The following CDK19 variants were observed in gnomAD, a reference collection of about 807,000 sequenced individuals.
The protein encoded by CDK19 is cyclin dependent kinase 19, also known as cyclin-dependent kinase 19.
CDK19 carries 20 observed loss-of-function variants against 68.3 expected under a neutral mutation model. That is an observed-to-expected ratio of 0.29 (90% confidence interval 0.21 to 0.43). The LOEUF (loss-of-function observed/expected upper bound fraction) is 0.43. CDK19 is among the 20% of genes least tolerant of loss of function. The pLI, the probability that CDK19 is intolerant of heterozygous loss-of-function variation, is 1.00. For synonymous variants in CDK19, 221 were observed against 222.8 expected, an observed-to-expected ratio of 0.99 and a Z score of 0.07; for missense variants, 339 against 623.5, an observed-to-expected ratio of 0.54 and a Z score of 4.86.
chr6:110,637,001 C>T (rs1048361077), intron 5 of CDK19, among the ~76,000 whole-genome samples: 2 of 152,202 alleles, frequency 1.3e-5, no homozygotes, highest in Non-Finnish European at 2.9e-5. Context: ...TCACACCAGA[C>T]AGCTCTGATA....
At chr6:110,707,150 C>T (rs1002842943) in intron 2 of CDK19, among the ~76,000 whole-genome samples, 27 of 151,470 alleles carry the variant, frequency 1.8e-4, no homozygotes, top group African/African-American at 6.1e-4. Flanking sequence ...TTAGTAGAGA[C>T]GATGGTGAAA....
Position 110,754,453 on chromosome 6 carries a change from T to C in CDK19, c.129-8252A>G, listed in dbSNP as rs183418824. The stretch of plus-strand genomic sequence containing the variant: ...CTTAAAACATTAATGATTAATAGAC[T>C]GCAATCATTAGTAAATATTTAGTTA... On this transcript the variant is annotated intron_variant, in intron 1 of 12. Transcript: ENST00000368911. Among the ~76,000 whole-genome samples, 227 of 152,122 alleles carry C rather than the reference T, an allele frequency of 1.5e-3. 1 individual carries two copies. The highest frequency in any genetic ancestry group is 5.3e-3 in the African/African-American group (220 of 41,524).
chr6:110,663,059 CACTG>C (rs1375985330), intron 4 of CDK19, among the ~76,000 whole-genome samples: 9 of 152,250 alleles, frequency 5.9e-5, no homozygotes, highest in East Asian at 3.9e-4. Context: ...ATGTCCAAAA[CACTG>C]ACTTTTATTT....
intron 1 of CDK19, among the ~76,000 whole-genome samples, chr6:110,759,010 C>T (rs1349424746): frequency 1.3e-5 from 2 of 151,996 alleles, no homozygotes; most frequent in African/African-American, 4.8e-5. Context: ...GCCTGTAATC[C>T]TAGCACTTAG....
Position 110,653,388 on chromosome 6 carries a change from G to A in CDK19, c.456+14046C>T, listed in dbSNP as rs1357335658. Among the ~76,000 whole-genome samples the A allele has an allele frequency of 3.9e-5, 6 of 152,116 alleles. No individual in the cohort carries two copies. The East Asian group carries it at 1.2e-3, about 29-fold the overall frequency. ...TAAAAAAAAGAAAACTACAGTTCAT[G>A]CATACACACCTTCACCCACATAAAA... On this transcript the variant is annotated intron_variant, in intron 4 of 12. Transcript: ENST00000368911.
chr6:110,760,998 C>T (rs1779191445), intron 1 of CDK19, among the ~76,000 whole-genome samples: 1 of 152,120 alleles, frequency 6.6e-6, no homozygotes, highest in Non-Finnish European at 1.5e-5. Flanking sequence ...ATCTGAAGTT[C>T]AGTAAGGCTG....
intron 1 of CDK19, among the ~76,000 whole-genome samples, chr6:110,749,040 A>G (rs1299916975): frequency 2.0e-5 from 3 of 152,234 alleles, no homozygotes; most frequent in Non-Finnish European, 4.4e-5. Flanking sequence ...AGCAATTCCA[A>G]AGCCTTCAGA....
At chr6:110,750,536 G>A (rs1227886796) in intron 1 of CDK19, among the ~76,000 whole-genome samples, 1 of 152,174 alleles carries the variant, frequency 6.6e-6, no homozygotes. Flanking sequence ...ATGCAAGGAT[G>A]ATGCCACTAA....
At chr6:110,711,184 T>C (rs964509807) in intron 2 of CDK19, among the ~76,000 whole-genome samples, 13 of 152,186 alleles carry the variant, frequency 8.5e-5, no homozygotes, top group Non-Finnish European at 1.6e-4. Context: ...TAGGAATATA[T>C]TGTGATATAA....
intron 1 of CDK19, among the ~76,000 whole-genome samples, chr6:110,810,711 T>C (rs1583155582): frequency 6.6e-6 from 1 of 150,992 alleles, no homozygotes; most frequent in African/African-American, 2.4e-5. Context: ...GAGGCGGAGG[T>C]TGCAGTGAGC....
intron 1 of CDK19, among the ~76,000 whole-genome samples, chr6:110,761,528 T>C (rs915821383): frequency 2.6e-5 from 4 of 152,080 alleles, no homozygotes; most frequent in African/African-American, 7.2e-5. Context: ...GAAGAGCAGA[T>C]TGGGCAAGTT....
chr6:110,708,391 T>C (rs1430586866), intron 2 of CDK19, among the ~76,000 whole-genome samples: 1 of 152,132 alleles, frequency 6.6e-6, no homozygotes, highest in Admixed American at 6.5e-5. Context: ...CTGCAGCACA[T>C]AGGATGTGCA....
chr6:110,814,795 G>T lies in CDK19; in HGVS notation c.128+214C>A, dbSNP rs770464779. 7.0e-5 allele frequency: 48 copies of T among 687,590 alleles called. No homozygotes were observed. In the South Asian group the frequency reaches 7.0e-4, roughly 10 times the overall value. The allele number at this position is 687,590 out of a possible 1,614,324, so 42.6% of individuals were successfully genotyped here. A position where few individuals can be genotyped will look rare whatever the true frequency, so the allele number is the denominator to read the frequency against. ...GGACGGGACCGACGCCTCGGACCGG[G>T]CTGCGCCGCGGGAGTTCGAGGTACG... On this transcript the variant is annotated intron_variant, in intron 1 of 12. Transcript: ENST00000368911.
At chr6:110,785,710 G>A (rs576642442) in intron 1 of CDK19, among the ~76,000 whole-genome samples, 29 of 152,244 alleles carry the variant, frequency 1.9e-4, no homozygotes, top group African/African-American at 6.5e-4. Flanking sequence ...GCCGGGCGCG[G>A]TGGCTCACAC....
At chr6:110,798,296 A>C (rs970254504) in intron 1 of CDK19, among the ~76,000 whole-genome samples, 2 of 152,096 alleles carry the variant, frequency 1.3e-5, no homozygotes, top group African/African-American at 2.4e-5. Flanking sequence ...AAAAATCCTA[A>C]GAGATTCTGG....
intron 1 of CDK19, among the ~76,000 whole-genome samples, chr6:110,782,518 C>T (rs1219778042): frequency 3.3e-5 from 5 of 152,218 alleles, no homozygotes; most frequent in Non-Finnish European, 7.3e-5. Flanking sequence ...ACCAACCACA[C>T]TGCTGCAAAA....
chr6:110,653,126 T>C (rs1781079574), intron 4 of CDK19, among the ~76,000 whole-genome samples: 1 of 152,158 alleles, frequency 6.6e-6, no homozygotes, highest in Non-Finnish European at 1.5e-5. Flanking sequence ...ATATGAATAA[T>C]AACAAAATGA....
intron 4 of CDK19, among the ~76,000 whole-genome samples, chr6:110,662,156 G>C (rs538886858): frequency 2.8e-4 from 43 of 152,194 alleles, no homozygotes; most frequent in Non-Finnish European, 5.3e-4. Context: ...TTTTAGTAGA[G>C]ATAGGGTTTC....
intron 4 of CDK19, among the ~76,000 whole-genome samples, chr6:110,654,902 T>C (rs958770776): frequency 2.0e-5 from 3 of 150,868 alleles, no homozygotes; most frequent in African/African-American, 7.3e-5. Context: ...GATCATGCCA[T>C]TGCATTCCAG....
Sources: allele counts gnomAD v4.1 joint callset (sites outside exome capture counted in the v4.1 genomes callset), GRCh38; gene constraint gnomAD v4.1.1; transcripts MANE v1.5; gene names NCBI Gene and HGNC (gene_info 2026-07-23, HGNC 2026-07-21).